The following RIMS1 variants were observed in gnomAD, a reference collection of about 807,000 sequenced individuals.
The protein encoded by RIMS1 is regulating synaptic membrane exocytosis protein 1.
RIMS1 carries 83 observed loss-of-function variants against 214.1 expected under a neutral mutation model. The ratio of observed to expected loss-of-function variants is 0.39; its 90% CI spans 0.32 to 0.47. RIMS1 has a LOEUF of 0.47. Ranked by LOEUF, RIMS1 falls within the 20% of genes least tolerant of loss-of-function variation. RIMS1 has a pLI of 0.99. For synonymous variants in RIMS1, 793 were observed against 786.8 expected (o/e 1.01, Z -0.13); for missense variants, 2,050 against 2,161.8 (o/e 0.95, Z 1.03).
At chr6:71,938,347 G>A (rs1785060199) in intron 1 of RIMS1, among the ~76,000 whole-genome samples, 1 of 152,186 alleles carries the variant, frequency 6.6e-6, no homozygotes, top group South Asian at 2.1e-4. Context: ...TGGGGACTCT[G>A]TGGCAGCTCT....
intron 4 of RIMS1, among the ~76,000 whole-genome samples, chr6:72,164,734 C>G (rs1158083046): frequency 6.6e-6 from 1 of 152,128 alleles, no homozygotes; most frequent in African/African-American, 2.4e-5. Flanking sequence ...TCTCACAGGT[C>G]TAGATACTAG....
Position 72,003,246 on chromosome 6 carries a change from C to T in RIMS1, c.245+34183C>T, listed in dbSNP as rs145861103. On this transcript the variant is annotated intron_variant, in intron 2 of 33. Coordinates refer to ENST00000521978, the MANE Select transcript of RIMS1 (RefSeq NM_014989.7). Reference sequence around the variant, plus strand: ...TCAGATCTTATGGCTCTTTTCTTGCCTTAGTTCTCCTTAATATTTCTGTAG... The same window carrying T: ...TCAGATCTTATGGCTCTTTTCTTGCTTTAGTTCTCCTTAATATTTCTGTAG... 6.6e-5 allele frequency among the ~76,000 whole-genome samples: 10 copies of T among 152,230 alleles called. No homozygotes were observed. In the East Asian group the frequency reaches 1.9e-3, roughly 29 times the overall value.
intron 29 of RIMS1, among the ~76,000 whole-genome samples, chr6:72,370,796 AAATAAAGAG>A (rs2098192427): frequency 6.6e-6 from 1 of 152,198 alleles, no homozygotes; most frequent in Non-Finnish European, 1.5e-5. Context: ...TAAAGAGTAC[AAATAAAGAG>A]AATAAAGTAG....
At chr6:72,240,926 G>A (rs1427577285) in intron 9 of RIMS1, among the ~76,000 whole-genome samples, 4 of 152,062 alleles carry the variant, frequency 2.6e-5, no homozygotes, top group Non-Finnish European at 4.4e-5. Flanking sequence ...TGAGGCAGGA[G>A]GATCGCTTGA....
At chr6:72,318,980 A>T (rs939400369) in intron 28 of RIMS1, among the ~76,000 whole-genome samples, 3 of 152,160 alleles carry the variant, frequency 2.0e-5, no homozygotes, top group Admixed American at 6.5e-5. Context: ...ATCATCTACC[A>T]TACTGCCAGA....
intron 6 of RIMS1, among the ~76,000 whole-genome samples, chr6:72,218,466 A>G (rs1166789489): frequency 3.3e-5 from 5 of 152,238 alleles, no homozygotes; most frequent in African/African-American, 1.2e-4. Flanking sequence ...CAAATGGAAA[A>G]GTAGCCACCT....
chr6:72,064,350 A>AGG (rs1491183068), intron 2 of RIMS1, among the ~76,000 whole-genome samples: 1 of 145,994 alleles, frequency 6.8e-6, no homozygotes, highest in African/African-American at 2.5e-5. Context: ...AGAGAGAGAG[A>AGG]GGGAAGGAAG....
At chr6:71,890,759 T>C (rs1384460826) in intron 1 of RIMS1, among the ~76,000 whole-genome samples, 2 of 152,054 alleles carry the variant, frequency 1.3e-5, no homozygotes, top group Non-Finnish European at 2.9e-5. Context: ...TTTAAGTTAT[T>C]TAATCTAATG....
At chr6:71,975,306 G>T (rs1796866612) in intron 2 of RIMS1, among the ~76,000 whole-genome samples, 1 of 152,094 alleles carries the variant, frequency 6.6e-6, no homozygotes, top group South Asian at 2.1e-4. Flanking sequence ...CCGTATTTTA[G>T]CACTAAAACT....
intron 2 of RIMS1, among the ~76,000 whole-genome samples, chr6:72,021,177 C>A (rs578105): frequency 1.3e-5 from 2 of 152,046 alleles, no homozygotes; most frequent in Non-Finnish European, 2.9e-5. Context: ...TTACTTCTCC[C>A]TCTAAGAAGG....
At chr6:72,366,649 A>G (rs1253631068) in intron 29 of RIMS1, 2 of 940,420 alleles carry the variant, frequency 2.1e-6, no homozygotes, top group African/African-American at 1.8e-5. Flanking sequence ...CAATTTAATT[A>G]TATTCTGTAT....
intron 2 of RIMS1, among the ~76,000 whole-genome samples, chr6:72,000,159 G>C (rs906431488): frequency 6.6e-6 from 1 of 151,918 alleles, no homozygotes; most frequent in Non-Finnish European, 1.5e-5. Flanking sequence ...TATATGATAT[G>C]ATATATTAAT....
chr6:72,096,493 T>C (rs932832909), intron 2 of RIMS1, among the ~76,000 whole-genome samples: 4 of 152,240 alleles, frequency 2.6e-5, no homozygotes, highest in Non-Finnish European at 5.9e-5. Context: ...AACTTATTTT[T>C]GAATTATATT....
At chr6:72,133,739 G>A (rs1328101594) in intron 4 of RIMS1, among the ~76,000 whole-genome samples, 3 of 152,128 alleles carry the variant, frequency 2.0e-5, no homozygotes, top group Non-Finnish European at 4.4e-5. Context: ...GGCAGTCATA[G>A]CAACAACCTC....
At chr6:72,006,358 G>A (rs1009770675) in intron 2 of RIMS1, among the ~76,000 whole-genome samples, 1 of 152,172 alleles carries the variant, frequency 6.6e-6, no homozygotes, top group African/African-American at 2.4e-5. Flanking sequence ...GCGGTTCCAA[G>A]ATGGCCAAAT....
Position 71,887,092 on chromosome 6 carries a change from C to G in RIMS1, c.69C>G (p.Pro23=), listed in dbSNP as rs998453434. Residue 23 remains proline (P), a synonymous_variant, in exon 1 of 34, where the codon CCC becomes CCG. Transcript: ENST00000521978. ...TGCCTCCCCCCATGCAAGAGCTGCC[C>G]GACCTGAGCCACCTGACCGAAGAGG... ...PTVPPPMQEL[P]DLSHLTEEER... is the part of the protein sequence containing the mutation. The G allele has an allele frequency of 6.2e-7, 1 of 1,613,654 alleles. No individual in the cohort carries two copies. Among genetic ancestry groups the G allele is most frequent in the South Asian group, 1.1e-5 (1 of 90,974 alleles).
chr6:71,990,116 C>T (rs1268341733), intron 2 of RIMS1, among the ~76,000 whole-genome samples: 2 of 152,174 alleles, frequency 1.3e-5, no homozygotes, highest in Non-Finnish European at 2.9e-5. Flanking sequence ...CTATCACAGC[C>T]TCTATTTATT....
intron 1 of RIMS1, among the ~76,000 whole-genome samples, chr6:71,931,897 A>G (rs1001127972): frequency 6.6e-6 from 1 of 152,116 alleles, no homozygotes; most frequent in African/African-American, 2.4e-5. Flanking sequence ...TGATCATTAG[A>G]GAAACACAAA....
intron 2 of RIMS1, among the ~76,000 whole-genome samples, chr6:71,983,446 T>C (rs1022886142): frequency 7.8e-6 from 1 of 128,744 alleles, no homozygotes. Context: ...AAAAAAAGGG[T>C]TTTTTTTATT....
Sources: gnomAD v4.1 joint callset for allele counts (sites outside exome capture counted in the v4.1 genomes callset) on GRCh38, gnomAD v4.1.1 for gene constraint, MANE v1.5 for transcripts, NCBI Gene and HGNC (gene_info 2026-07-23, HGNC 2026-07-21) for gene names.